Variants in TNC observed in about 807,000 individuals in gnomAD.
TNC encodes the protein tenascin C, also known as tenascin.
Under a neutral mutation model 202.4 loss-of-function variants are expected in TNC, and 109 were observed. The observed-to-expected ratio is 0.54, with a 90% CI of 0.46 to 0.63. TNC has a LOEUF of 0.63. Ranked by LOEUF, TNC falls within the 30% of genes least tolerant of loss-of-function variation. TNC has a pLI of 0.00. For missense variants in TNC, 2,756 were observed against 2,833.3 expected (o/e 0.97, Z 0.62); for synonymous variants, 1,007 against 1,089.7 (o/e 0.92, Z 1.50).
intron 14 of TNC, among the ~76,000 whole-genome samples, chr9:115,059,016 T>C (rs995917662): frequency 4.6e-5 from 7 of 152,252 alleles, no homozygotes; most frequent in Non-Finnish European, 2.9e-5. Context: ...ATCAGTTCTT[T>C]GACATTCATA....
intron 1 of TNC, among the ~76,000 whole-genome samples, chr9:115,111,489 A>G (rs1220119657): frequency 7.2e-6 from 1 of 138,348 alleles, no homozygotes; most frequent in East Asian, 2.2e-4. Context: ...GCTCACTGCA[A>G]CCTACGACTC....
chr9:115,105,298 G>T (rs77176980), intron 1 of TNC, among the ~76,000 whole-genome samples: 2,141 of 152,212 alleles, frequency 0.014, 48 homozygotes, highest in African/African-American at 0.049. Context: ...TCCCAAAATG[G>T]GACCATCTAA....
chr9:115,098,354 T>A (rs990697847), intron 1 of TNC, among the ~76,000 whole-genome samples: 6 of 152,224 alleles, frequency 3.9e-5, no homozygotes, highest in South Asian at 2.1e-4. Context: ...TGTCAAATCC[T>A]TCTTTTTTTC....
intron 1 of TNC, among the ~76,000 whole-genome samples, chr9:115,117,186 T>C (rs916148211): frequency 1.3e-5 from 2 of 152,322 alleles, no homozygotes; most frequent in Non-Finnish European, 2.9e-5. Context: ...TAAGCTCTTA[T>C]TCCTCTTACA....
chr9:115,067,871 T>C (rs910644465), intron 10 of TNC, among the ~76,000 whole-genome samples: 5 of 151,876 alleles, frequency 3.3e-5, no homozygotes, highest in African/African-American at 1.2e-4. Context: ...AGAAAGAGCA[T>C]TGGTTTATAA....
intron 1 of TNC, among the ~76,000 whole-genome samples, chr9:115,111,472 G>A (rs146098456): frequency 8.1e-6 from 1 of 124,108 alleles, no homozygotes; most frequent in African/African-American, 3.1e-5. Context: ...GGAATGGCTC[G>A]ATCTTGGCTC....
intron 17 of TNC, 53 bp from the exon 18 acceptor site, chr9:115,042,394 A>G (rs1246738129): frequency 6.3e-7 from 1 of 1,596,664 alleles, no homozygotes; most frequent in Non-Finnish European, 8.5e-7. Flanking sequence ...TGTCTTGTTC[A>G]TCAATGGTTC....
In TNC at chr9:115,085,881, C is replaced by A. The variant is rs1401269862; in HGVS notation, c.1850G>T (p.Gly617Val). The A allele has an allele frequency of 1.2e-6, 2 of 1,610,514 alleles. No individual in the cohort carries two copies. Among genetic ancestry groups the A allele is most frequent in the African/African-American group, 1.3e-5 (1 of 75,010 alleles). The change falls in exon 3 of 28, where the codon GGA becomes GTA. Residue 617 changes from glycine (G) to valine (V), a missense_variant. Transcript: ENST00000350763. ...GCACTCACCCTCTGAGCAGTCTTCTCCGCTGTAGCCCTCGTTGCAGATGCA... is the reference window on the plus strand; with the variant it reads ...GCACTCACCCTCTGAGCAGTCTTCTACGCTGTAGCCCTCGTTGCAGATGCA... Reference protein sequence around the residue: ...GRCICNEGYSGEDCSEVSPPK... With the variant: ...GRCICNEGYSVEDCSEVSPPK...
At chr9:115,030,782 C>T (rs185186860) in intron 23 of TNC, among the ~76,000 whole-genome samples, 18 of 152,280 alleles carry the variant, frequency 1.2e-4, no homozygotes, top group South Asian at 8.3e-4. Context: ...ATGACTGTCC[C>T]GTGAATTTTC....
At chr9:115,038,118 A>G in intron 20 of TNC, 143 bp downstream of exon 20, 2 of 1,079,540 alleles carry the variant, frequency 1.9e-6, no homozygotes, top group Non-Finnish European at 2.6e-6. Context: ...GTTGGGAGCC[A>G]CATGAACATT....
At chr9:115,116,915 A>G (rs1347657202) in intron 1 of TNC, among the ~76,000 whole-genome samples, 1 of 152,180 alleles carries the variant, frequency 6.6e-6, no homozygotes, top group Admixed American at 6.5e-5. Context: ...ACACACAAGA[A>G]ACAATCCAAG....
At chr9:115,065,266 G>T (rs1371358582) in intron 10 of TNC, among the ~76,000 whole-genome samples, 1 of 151,958 alleles carries the variant, frequency 6.6e-6, no homozygotes, top group Admixed American at 6.6e-5. Context: ...CGTGTTGGTG[G>T]GCACCTGTAA....
intron 10 of TNC, among the ~76,000 whole-genome samples, chr9:115,069,601 TCCC>T (rs1186094725): frequency 0.017 from 366 of 21,776 alleles, 23 homozygotes; most frequent in Non-Finnish European, 0.025. Flanking sequence ...CTTCCCTTCC[TCCC>T]TCCCTCCCTC....
rs112716640 is a variant in TNC, at chr9:115,059,729, C to T, written c.4306+1G>A. ...AAAGCATTGACAGGGAGAGGAAGTA[C>T]CTGTGGAGGCCTCAGCAGAGAGTAC... On this transcript the variant is annotated splice_donor_variant, in intron 14 of 27. Transcript: ENST00000350763. LOFTEE classifies it high-confidence loss of function. 3 of 1,583,024 alleles carry T rather than the reference C, an allele frequency of 1.9e-6. No individual in the cohort carries two copies. The highest frequency in any genetic ancestry group is 1.1e-5 in the South Asian group (1 of 88,172).
chr9:115,070,646 G>T (rs750768419), intron 10 of TNC, among the ~76,000 whole-genome samples: 2 of 152,266 alleles, frequency 1.3e-5, no homozygotes, highest in Admixed American at 6.5e-5. Flanking sequence ...AATTCTTCAG[G>T]GCCACTGATT....
intron 10 of TNC, among the ~76,000 whole-genome samples, chr9:115,071,688 GA>G (rs1455677683): frequency 4.6e-5 from 7 of 152,136 alleles, no homozygotes; most frequent in Non-Finnish European, 1.0e-4. Context: ...AAAGCTAAGG[GA>G]GAGGGGCAGA....
chr9:115,024,028 C>T lies in TNC; in HGVS notation c.6440G>A (p.Arg2147Lys), dbSNP rs761290163. The T allele has an allele frequency of 1.9e-6, 3 of 1,614,166 alleles. No homozygotes were observed. The highest frequency in any genetic ancestry group is 2.2e-5 in the East Asian group (1 of 44,890). Residue 2147 changes from arginine to lysine, a missense_variant, in exon 27 of 28, where the codon AGG (arginine) becomes AAG (lysine). Coordinates refer to ENST00000350763, the MANE Select transcript of TNC (RefSeq NM_002160.4). ...CATCAGGTTGACACGGTGACAGTTC[C>T]TGTACCAGAAAGCCCCTTTGTAGGA... ...ALSYKGAFWY[R>K]NCHRVNLMGR...
intron 10 of TNC, among the ~76,000 whole-genome samples, chr9:115,071,790 G>T (rs776463644): frequency 6.6e-6 from 1 of 152,108 alleles, no homozygotes. Flanking sequence ...CATCTTTTGG[G>T]CATTTCTGAT....
intron 10 of TNC, among the ~76,000 whole-genome samples, chr9:115,072,139 G>T (rs1395147671): frequency 6.6e-6 from 1 of 152,238 alleles, no homozygotes; most frequent in Non-Finnish European, 1.5e-5. Context: ...ACAGCTAGGA[G>T]TGGCCAATGA....
Sources: gnomAD v4.1 joint callset for allele counts (sites outside exome capture counted in the v4.1 genomes callset) on GRCh38, gnomAD v4.1.1 for gene constraint, MANE v1.5 for transcripts, NCBI Gene and HGNC (gene_info 2026-07-23, HGNC 2026-07-21) for gene names.